MARCHF1: variants seen among roughly 807,000 people sequenced by gnomAD.
MARCHF1 encodes membrane associated ring-CH-type finger 1.
A neutral mutation model predicts 54.2 loss-of-function variants in MARCHF1; 40 were observed. The observed-to-expected ratio is 0.74, with a 90% CI of 0.57 to 0.96. The LOEUF (loss-of-function observed/expected upper bound fraction) is 0.96. Ranked by LOEUF, MARCHF1 falls within the 40% of genes least tolerant of loss-of-function variation. The pLI is 0.00. For missense variants in MARCHF1, 586 were observed against 656.5 expected (o/e 0.89, Z 1.17); for synonymous variants, 236 against 236.3 (o/e 1.00, Z 0.01).
At chr4:164,093,399 T>C (rs1755344985) in intron 2 of MARCHF1, among the ~76,000 whole-genome samples, 1 of 152,150 alleles carries the variant, frequency 6.6e-6, no homozygotes, top group Admixed American at 6.6e-5. Context: ...CAACCAATAC[T>C]ATTGTTGTGT....
intron 2 of MARCHF1, among the ~76,000 whole-genome samples, chr4:163,994,956 T>A (rs1389219004): frequency 1.3e-5 from 2 of 152,124 alleles, no homozygotes; most frequent in East Asian, 1.9e-4. Flanking sequence ...AGAAGACTTC[T>A]GTGACCAAAT....
At chr4:163,600,072 T>G (rs1269821529) in intron 7 of MARCHF1, among the ~76,000 whole-genome samples, 1 of 152,194 alleles carries the variant, frequency 6.6e-6, no homozygotes, top group Non-Finnish European at 1.5e-5. Context: ...TTCTGGTGTG[T>G]CTAAATTATA....
intron 4 of MARCHF1, among the ~76,000 whole-genome samples, chr4:163,823,570 A>G (rs1384577284): frequency 6.6e-6 from 1 of 151,928 alleles, no homozygotes; most frequent in Non-Finnish European, 1.5e-5. Context: ...AATTCAGGTT[A>G]TCATAATGTA....
intron 1 of MARCHF1, among the ~76,000 whole-genome samples, chr4:164,164,523 G>T (rs1730321682): frequency 6.6e-6 from 1 of 151,990 alleles, no homozygotes; most frequent in African/African-American, 2.4e-5. Flanking sequence ...AAAACTTCTA[G>T]CCGTATTCAG....
intron 5 of MARCHF1, among the ~76,000 whole-genome samples, chr4:163,684,035 G>A (rs1744191574): frequency 1.3e-5 from 2 of 152,184 alleles, no homozygotes; most frequent in Admixed American, 6.5e-5. Flanking sequence ...GGGCTTCAGG[G>A]CAGCCAGCAT....
At chr4:164,046,373 T>C (rs1366285854) in intron 2 of MARCHF1, among the ~76,000 whole-genome samples, 1 of 152,206 alleles carries the variant, frequency 6.6e-6, no homozygotes, top group Non-Finnish European at 1.5e-5. Flanking sequence ...CACAAAAGAC[T>C]CATGAAGTAT....
chr4:164,054,538 A>C (rs200631777), intron 2 of MARCHF1, among the ~76,000 whole-genome samples: 3 of 151,292 alleles, frequency 2.0e-5, no homozygotes, highest in African/African-American at 2.4e-5. Context: ...ATGTCCAACA[A>C]TGATAGACTG....
At chr4:164,381,865 G>T (rs1401488839) in intron 1 of MARCHF1, among the ~76,000 whole-genome samples, 1 of 152,098 alleles carries the variant, frequency 6.6e-6, no homozygotes, top group Admixed American at 6.5e-5. Context: ...GACGACTTCA[G>T]ATAAAACAGG....
intron 2 of MARCHF1, among the ~76,000 whole-genome samples, chr4:164,006,230 A>G (rs1753284188): frequency 6.6e-6 from 1 of 152,210 alleles, no homozygotes; most frequent in South Asian, 2.1e-4. Flanking sequence ...ACAGTAAAGC[A>G]ATTCAGAAAT....
At chr4:163,847,724 G>A (rs1749527049) in intron 4 of MARCHF1, among the ~76,000 whole-genome samples, 1 of 151,786 alleles carries the variant, frequency 6.6e-6, no homozygotes, top group African/African-American at 2.4e-5. Context: ...GGGATTACAG[G>A]TGGCTGCCAC....
Position 163,635,897 on chromosome 4 carries a change from T to C in MARCHF1, c.163-22504A>G, listed in dbSNP as rs1325141699. ...AGCACATCAAAAAGCTTATCCACCA[T>C]GATCAAGTGGGCTTCATCCCTGGGA... On this transcript the variant is annotated intron_variant, in intron 5 of 9. Transcript: ENST00000514618. 2.0e-5 allele frequency among the ~76,000 whole-genome samples: 3 copies of C among 152,178 alleles called. No individual in the cohort carries two copies. In the East Asian group the frequency reaches 5.8e-4, roughly 29 times the overall value.
At chr4:163,681,637 T>A (rs1744107403) in intron 5 of MARCHF1, among the ~76,000 whole-genome samples, 2 of 152,212 alleles carry the variant, frequency 1.3e-5, no homozygotes. Flanking sequence ...TGCTTGGCAC[T>A]TCTCTTCCTA....
chr4:164,090,502 T>C (rs999967549), intron 2 of MARCHF1, among the ~76,000 whole-genome samples: 8 of 152,260 alleles, frequency 5.3e-5, no homozygotes, highest in Admixed American at 4.6e-4. Flanking sequence ...ATCCATAGAA[T>C]TGGTGTTTGT....
intron 2 of MARCHF1, among the ~76,000 whole-genome samples, chr4:164,081,710 A>ACACACACACACACATG (rs376175445): frequency 6.6e-6 from 1 of 151,182 alleles, no homozygotes; most frequent in African/African-American, 2.4e-5. Context: ...GCATGCATAT[A>ACACACACACACACATG]CACACACACA....
intron 1 of MARCHF1, among the ~76,000 whole-genome samples, chr4:164,172,499 T>G (rs1427269505): frequency 6.6e-6 from 1 of 152,176 alleles, no homozygotes; most frequent in Non-Finnish European, 1.5e-5. Flanking sequence ...CGTCTCCCCT[T>G]CTTAGTTACA....
At chr4:164,079,385 T>C (rs1307720096) in intron 2 of MARCHF1, among the ~76,000 whole-genome samples, 1 of 152,142 alleles carries the variant, frequency 6.6e-6, no homozygotes, top group East Asian at 1.9e-4. Context: ...AATAAGTAAG[T>C]TTCTTTAACA....
At position 163,527,634 on chromosome 4, in the gene MARCHF1, T is replaced by TGC. The variant is rs547813630; in HGVS notation, c.*1113_*1114insGC. ...GCTTTTAAAAATCATAACTAACTTT[T>TGC]GTGACTTTGAAATAAAAGAATGAAT... On this transcript the variant is annotated 3_prime_UTR_variant, in exon 10 of 10. Transcript: ENST00000514618. 128 of 96,562 alleles carry TGC rather than the reference T, an allele frequency of 1.3e-3. No homozygotes were observed. The highest frequency in any genetic ancestry group is 4.1e-3 in the African/African-American group (122 of 29,404). The allele number at this position is 96,562 out of a possible 1,614,324, so 6.0% of individuals were successfully genotyped here. A position where few individuals can be genotyped will look rare whatever the true frequency, so the allele number is the denominator to read the frequency against.
chr4:164,251,287 A>G (rs1379047350), intron 1 of MARCHF1, among the ~76,000 whole-genome samples: 1 of 152,162 alleles, frequency 6.6e-6, no homozygotes, highest in Non-Finnish European at 1.5e-5. Context: ...CAGAACATAT[A>G]ATTATGCTGA....
At chr4:163,991,386 C>T (rs1752964433) in intron 2 of MARCHF1, among the ~76,000 whole-genome samples, 1 of 152,150 alleles carries the variant, frequency 6.6e-6, no homozygotes, top group Non-Finnish European at 1.5e-5. Context: ...GAATACACAT[C>T]AGCTAATATC....
Sources: gnomAD v4.1 joint callset for allele counts (sites outside exome capture counted in the v4.1 genomes callset) on GRCh38, gnomAD v4.1.1 for gene constraint, MANE v1.5 for transcripts, NCBI Gene and HGNC (gene_info 2026-07-23, HGNC 2026-07-21) for gene names.